TAFA2: variants seen among roughly 807,000 people sequenced by gnomAD.
The protein encoded by TAFA2 is chemokine-like protein TAFA-2.
In TAFA2, 7 loss-of-function variants were observed where a neutral mutation model predicts 18.8. The ratio of observed to expected loss-of-function variants is 0.37; its 90% CI spans 0.21 to 0.70. TAFA2 has a LOEUF of 0.70. Among genes scored for constraint, TAFA2 ranks in the 30% least tolerant of loss-of-function variants. TAFA2 has a pLI of 0.53. For synonymous variants in TAFA2, 60 were observed against 54.2 expected, an observed-to-expected ratio of 1.11 and a Z score of -0.47; for missense variants, 122 against 158.1, an observed-to-expected ratio of 0.77 and a Z score of 1.23.
chr12:62,003,762 C>G (rs564587780), intron 1 of TAFA2, among the ~76,000 whole-genome samples: 15 of 152,304 alleles, frequency 9.8e-5, no homozygotes, highest in African/African-American at 3.4e-4. Context: ...ATTCCAAGTA[C>G]CATGAGCAAT....
chr12:61,997,982 T>G (rs1333192846), intron 1 of TAFA2, among the ~76,000 whole-genome samples: 15 of 152,074 alleles, frequency 9.9e-5, no homozygotes, highest in Admixed American at 9.8e-4. Context: ...AGAAAATAAC[T>G]TAGATCGATC....
chr12:61,920,561 A>C (rs144378187), intron 1 of TAFA2, among the ~76,000 whole-genome samples: 130 of 152,328 alleles, frequency 8.5e-4, no homozygotes, highest in Non-Finnish European at 1.7e-3. Flanking sequence ...CTTTTCTACA[A>C]ATGTATTGTT....
At chr12:61,784,881 C>T (rs922607954) in intron 2 of TAFA2, among the ~76,000 whole-genome samples, 3 of 151,054 alleles carry the variant, frequency 2.0e-5, no homozygotes, top group Admixed American at 1.3e-4. Flanking sequence ...AGTGATGTTT[C>T]CATACATACA....
At chr12:61,770,671 T>C (rs936155981) in intron 2 of TAFA2, among the ~76,000 whole-genome samples, 1 of 152,248 alleles carries the variant, frequency 6.6e-6, no homozygotes, top group Non-Finnish European at 1.5e-5. Flanking sequence ...TATAGTCTTT[T>C]TCAGACAAAC....
intron 2 of TAFA2, among the ~76,000 whole-genome samples, chr12:61,777,129 A>G (rs576263399): frequency 6.6e-6 from 1 of 151,868 alleles, no homozygotes; most frequent in Admixed American, 6.6e-5. Context: ...GGCCAGGTAA[A>G]ATGGCCAACA....
intron 1 of TAFA2, among the ~76,000 whole-genome samples, chr12:62,135,239 A>C (rs1014554177): frequency 1.3e-5 from 2 of 152,024 alleles, no homozygotes; most frequent in African/African-American, 4.8e-5. Flanking sequence ...TGAGGTTGTC[A>C]ACAACATCCT....
intron 1 of TAFA2, among the ~76,000 whole-genome samples, chr12:62,011,139 G>A (rs1880748732): frequency 6.6e-6 from 1 of 150,862 alleles, no homozygotes; most frequent in Admixed American, 6.6e-5. Context: ...CCTCTGCCCG[G>A]CCGCCCCGTC....
chr12:62,133,047 T>C (rs1328510329), intron 1 of TAFA2, among the ~76,000 whole-genome samples: 2 of 152,006 alleles, frequency 1.3e-5, no homozygotes, highest in Admixed American at 6.6e-5. Flanking sequence ...AGGCCCATCC[T>C]GTACATTGCA....
At chr12:61,825,947 T>C (rs1872523526) in intron 2 of TAFA2, among the ~76,000 whole-genome samples, 1 of 152,060 alleles carries the variant, frequency 6.6e-6, no homozygotes, top group African/African-American at 2.4e-5. Flanking sequence ...AAAACTGTGA[T>C]GAATGAAACA....
intron 1 of TAFA2, among the ~76,000 whole-genome samples, chr12:62,051,302 T>A (rs1882046725): frequency 6.6e-6 from 1 of 152,116 alleles, no homozygotes; most frequent in Non-Finnish European, 1.5e-5. Context: ...TTCATTCAGA[T>A]CCAGAAACAA....
In TAFA2 at chr12:61,877,938, C is replaced by CACACACAT. The variant is rs1447163356; in HGVS notation, c.-1-10513_-1-10512insATGTGTGT. The CACACACAT allele has an allele frequency of 1.2e-4, 41 of 346,954 alleles. No individual in the cohort carries two copies. The East Asian group carries it at 3.1e-3, about 26-fold the overall frequency. 21.5% of individuals were successfully genotyped at this position (346,954 alleles called of 1,614,324 possible). Reference sequence around the variant, plus strand: ...ATATATATATATACACACACACACACACATACATATACATATATATACACA... The same window carrying CACACACAT: ...ATATATATATATACACACACACACACACACACATACATACATATACATATATATACACA... On this transcript the variant is annotated intron_variant, in intron 1 of 4. Coordinates refer to ENST00000416284, the MANE Select transcript of TAFA2 (RefSeq NM_178539.5).
At chr12:62,202,225 C>G (rs1326511844) in intron 1 of TAFA2, among the ~76,000 whole-genome samples, 1 of 151,472 alleles carries the variant, frequency 6.6e-6, no homozygotes, top group Non-Finnish European at 1.5e-5. Flanking sequence ...TTTTTCATAT[C>G]CCTATCTACT....
chr12:62,229,885 A>G (rs140817059), intron 1 of TAFA2, among the ~76,000 whole-genome samples: 165 of 151,908 alleles, frequency 1.1e-3, no homozygotes, highest in African/African-American at 3.9e-3. Context: ...GGAGACTTTT[A>G]AATTATTGCT....
At chr12:61,975,239 C>T (rs1237527673) in intron 1 of TAFA2, among the ~76,000 whole-genome samples, 1 of 151,656 alleles carries the variant, frequency 6.6e-6, no homozygotes, top group East Asian at 1.9e-4. Flanking sequence ...GATATCTAGA[C>T]ATATTCATCT....
At chr12:62,196,202 C>T (rs567260917), upstream of TAFA2, among the ~76,000 whole-genome samples, 1 of 152,306 alleles carries the variant, frequency 6.6e-6, no homozygotes, top group South Asian at 2.1e-4. Context: ...TAAGGCTTTG[C>T]TCTGGATTAG....
intron 2 of TAFA2, among the ~76,000 whole-genome samples, chr12:61,774,770 A>G (rs1870183560): frequency 6.6e-6 from 1 of 151,818 alleles, no homozygotes; most frequent in South Asian, 2.1e-4. Context: ...GATCTTATCC[A>G]TGTAACCAAA....
chr12:61,807,162 T>C (rs899311043), intron 2 of TAFA2, among the ~76,000 whole-genome samples: 1 of 150,914 alleles, frequency 6.6e-6, no homozygotes, highest in Non-Finnish European at 1.5e-5. Context: ...GAAAAAGTGG[T>C]TTTGTGGGCT....
chr12:61,889,173 C>G (rs7962817), intron 1 of TAFA2, among the ~76,000 whole-genome samples: 44,946 of 152,042 alleles, frequency 0.3, 6,693 homozygotes, highest in South Asian at 0.37. Flanking sequence ...TTAGGAAGGT[C>G]CATGACACAC....
chr12:61,879,678 T>G, intron 1 of TAFA2: 1 of 1,056,182 alleles, frequency 9.5e-7, no homozygotes, highest in Non-Finnish European at 1.5e-6. Flanking sequence ...AACAGGATGC[T>G]GGAGGCCAAG....
Sources: gnomAD v4.1 joint callset for allele counts (sites outside exome capture counted in the v4.1 genomes callset) on GRCh38, gnomAD v4.1.1 for gene constraint, MANE v1.5 for transcripts, NCBI Gene and HGNC (gene_info 2026-07-23, HGNC 2026-07-21) for gene names.